Variants in DGKI observed in about 807,000 individuals in gnomAD.
The protein encoded by DGKI is DAG kinase iota.
DGKI carries 55 observed loss-of-function variants against 147.5 expected under a neutral mutation model. That is an observed-to-expected ratio of 0.37 (90% confidence interval 0.30 to 0.47). The LOEUF is 0.47. DGKI is among the 20% of genes least tolerant of loss of function. The pLI is 1.00. For synonymous variants in DGKI, 469 were observed against 477.1 expected, an observed-to-expected ratio of 0.98 and a Z score of 0.22; for missense variants, 1,007 against 1,323.8, an observed-to-expected ratio of 0.76 and a Z score of 3.71.
chr7:137,491,841 C>T (rs1219752580), intron 21 of DGKI, among the ~76,000 whole-genome samples: 5 of 152,198 alleles, frequency 3.3e-5, no homozygotes, highest in Non-Finnish European at 5.9e-5. Context: ...CTCTACATGA[C>T]TCCTGTGAGA....
chr7:137,559,986 C>T (rs561764074), intron 19 of DGKI, among the ~76,000 whole-genome samples: 2 of 152,074 alleles, frequency 1.3e-5, no homozygotes, highest in Non-Finnish European at 2.9e-5. Context: ...CAGTAGAATT[C>T]GTCCCTTATA....
At chr7:137,410,953 T>C (rs1163871712) in intron 29 of DGKI, among the ~76,000 whole-genome samples, 1 of 152,252 alleles carries the variant, frequency 6.6e-6, no homozygotes, top group Non-Finnish European at 1.5e-5. Flanking sequence ...AGGCACCGTT[T>C]TCAGGATTAT....
intron 31 of DGKI, 169 bp from the exon 32 acceptor site, chr7:137,395,866 C>G: frequency 5.2e-6 from 3 of 578,740 alleles, no homozygotes; most frequent in South Asian, 2.3e-5. Flanking sequence ...TCTAAAAATT[C>G]CTTGAGCTAG....
chr7:137,443,733 T>C (rs1432561034), intron 28 of DGKI, among the ~76,000 whole-genome samples: 1 of 152,104 alleles, frequency 6.6e-6, no homozygotes, highest in Non-Finnish European at 1.5e-5. Context: ...CCACAAAAAT[T>C]TTTATCATTT....
rs756865769 is a variant in DGKI, at chr7:137,717,169, A to G, written c.402-27167T>C. ...TAATGTGAATAAAACTGCATAAAGA[A>G]ATGTTGCCCTGTACACAGGAAAATG... On this transcript the variant is annotated intron_variant, in intron 1 of 32. Coordinates refer to ENST00000614521, the MANE Select transcript of DGKI (RefSeq NM_001321708.2). Among the ~76,000 whole-genome samples the G allele has an allele frequency of 2.6e-5, 4 of 152,176 alleles. No homozygotes were observed. In the South Asian group the frequency reaches 8.3e-4, roughly 32 times the overall value.
intron 1 of DGKI, among the ~76,000 whole-genome samples, chr7:137,823,985 A>G (rs991870252): frequency 1.6e-4 from 24 of 152,234 alleles, no homozygotes; most frequent in Non-Finnish European, 3.2e-4. Flanking sequence ...ATAAGCATTT[A>G]TTAATGATTT....
intron 14 of DGKI, among the ~76,000 whole-genome samples, chr7:137,583,074 A>T (rs1446484549): frequency 6.6e-6 from 1 of 152,116 alleles, no homozygotes; most frequent in Non-Finnish European, 1.5e-5. Context: ...TTTCATTAAG[A>T]AAAAAGTGAA....
chr7:137,412,249 C>T (rs1812191531), intron 28 of DGKI, 42 bp from the exon 29 acceptor site: 1 of 1,577,104 alleles, frequency 6.3e-7, no homozygotes, highest in Non-Finnish European at 8.7e-7. Flanking sequence ...GTAGAAGACC[C>T]TCTTATTAAA....
chr7:137,408,563 T>C (rs1255572480), intron 29 of DGKI, among the ~76,000 whole-genome samples: 1 of 152,146 alleles, frequency 6.6e-6, no homozygotes, highest in Non-Finnish European at 1.5e-5. Context: ...CGAACACACA[T>C]CTGGCTTCCT....
At chr7:137,540,970 T>TTGGGGGGG (rs2128961258) in intron 20 of DGKI, among the ~76,000 whole-genome samples, 1 of 152,286 alleles carries the variant, frequency 6.6e-6, no homozygotes, top group South Asian at 2.1e-4. Flanking sequence ...CAAGTTGATC[T>TTGGGGGGG]ATAGACTCAA....
intron 1 of DGKI, among the ~76,000 whole-genome samples, chr7:137,714,861 G>A (rs1327228817): frequency 6.6e-6 from 1 of 152,140 alleles, no homozygotes; most frequent in African/African-American, 2.4e-5. Context: ...TGTCCCTCAT[G>A]AATCCACATA....
At chr7:137,433,695 C>A (rs918963889) in intron 28 of DGKI, among the ~76,000 whole-genome samples, 1 of 152,170 alleles carries the variant, frequency 6.6e-6, no homozygotes, top group Admixed American at 6.5e-5. Context: ...ACACAAAGAC[C>A]AGAGTCAGAG....
chr7:137,740,551 A>G (rs1189830552), intron 1 of DGKI, among the ~76,000 whole-genome samples: 2 of 152,206 alleles, frequency 1.3e-5, no homozygotes, highest in African/African-American at 2.4e-5. Flanking sequence ...AGAGAATCAG[A>G]GGTCGTCTGC....
intron 32 of DGKI, among the ~76,000 whole-genome samples, chr7:137,392,211 T>C (rs1464925723): frequency 1.3e-5 from 2 of 152,216 alleles, no homozygotes; most frequent in African/African-American, 2.4e-5. Context: ...TGTACACTTA[T>C]ATACACACAT....
chr7:137,554,129 G>T (rs1818142375), intron 19 of DGKI, among the ~76,000 whole-genome samples: 1 of 152,204 alleles, frequency 6.6e-6, no homozygotes, highest in Non-Finnish European at 1.5e-5. Flanking sequence ...ATCCAAGATG[G>T]TTGCACAGAG....
intron 1 of DGKI, among the ~76,000 whole-genome samples, chr7:137,762,959 C>G (rs1387264895): frequency 6.6e-6 from 1 of 152,198 alleles, no homozygotes; most frequent in Non-Finnish European, 1.5e-5. Flanking sequence ...TGTTCAAAAC[C>G]TTATGGCCTC....
chr7:137,652,211 G>A (rs995643746), intron 5 of DGKI, among the ~76,000 whole-genome samples: 1 of 151,894 alleles, frequency 6.6e-6, no homozygotes, highest in South Asian at 2.1e-4. Flanking sequence ...ATAAAAGAAA[G>A]GAATTTCAAG....
intron 14 of DGKI, among the ~76,000 whole-genome samples, chr7:137,583,857 T>C (rs1309949808): frequency 1.6e-4 from 25 of 152,086 alleles, no homozygotes; most frequent in Non-Finnish European, 1.8e-4. Context: ...TTAAACAACA[T>C]TGTGACATTA....
At chr7:137,392,123 T>A (rs1219674041) in intron 32 of DGKI, among the ~76,000 whole-genome samples, 2 of 152,210 alleles carry the variant, frequency 1.3e-5, no homozygotes, top group Non-Finnish European at 2.9e-5. Flanking sequence ...TAGTAATATA[T>A]CATAAATTTG....
Sources: allele counts gnomAD v4.1 joint callset (sites outside exome capture counted in the v4.1 genomes callset), GRCh38; gene constraint gnomAD v4.1.1; transcripts MANE v1.5; gene names NCBI Gene and HGNC (gene_info 2026-07-23, HGNC 2026-07-21).